Variants in CPPED1 observed in about 807,000 individuals in gnomAD.
CPPED1 encodes serine/threonine-protein phosphatase CPPED1.
Under a neutral mutation model 28.0 loss-of-function variants are expected in CPPED1, and 28 were observed. The observed-to-expected ratio is 1.00, with a 90% CI of 0.74 to 1.37. The LOEUF (loss-of-function observed/expected upper bound fraction) is 1.37. Ranked by LOEUF, CPPED1 falls within the 40% of genes most tolerant of loss-of-function variation. The pLI is 0.00. For synonymous variants in CPPED1, 198 were observed against 180.2 expected (o/e 1.10, Z -0.79); for missense variants, 504 against 416.5 (o/e 1.21, Z -1.83).
chr16:12,710,611 A>G (rs753833958), intron 2 of CPPED1, among the ~76,000 whole-genome samples: 3 of 152,202 alleles, frequency 2.0e-5, no homozygotes, highest in Non-Finnish European at 2.9e-5. Context: ...AATGAATATC[A>G]GAGTATATGG....
intron 1 of CPPED1, among the ~76,000 whole-genome samples, chr16:12,789,291 A>G (rs1471138382): frequency 6.6e-6 from 1 of 152,160 alleles, no homozygotes; most frequent in Non-Finnish European, 1.5e-5. Flanking sequence ...ATCTATGGTA[A>G]TCTTTCCATT....
At chr16:12,683,983 C>T (rs1362990406) in intron 3 of CPPED1, among the ~76,000 whole-genome samples, 2 of 152,068 alleles carry the variant, frequency 1.3e-5, no homozygotes, top group African/African-American at 4.8e-5. Context: ...GCAGGGCTTC[C>T]GGGCACTGGG....
rs193181828 is a variant in CPPED1 at position 12,759,741 on chromosome 16, C to T, written c.289+21444G>A. On this transcript the variant is annotated intron_variant, in intron 2 of 3. Transcript: ENST00000381774. ...GTTTAAAAGTGTTGGGCAGTTGCCCCTTGTGCTCTCTCTCCTGACGCCTTG... is the reference window on the plus strand; with the variant it reads ...GTTTAAAAGTGTTGGGCAGTTGCCCTTTGTGCTCTCTCTCCTGACGCCTTG... Among the ~76,000 whole-genome samples the T allele has an allele frequency of 4.9e-4, 75 of 152,336 alleles. 1 individual carries two copies. The highest frequency in any genetic ancestry group is 5.8e-4 in the East Asian group (3 of 5,184).
chr16:12,773,749 C>T (rs1399498354), intron 2 of CPPED1, among the ~76,000 whole-genome samples: 1 of 152,100 alleles, frequency 6.6e-6, no homozygotes, highest in African/African-American at 2.4e-5. Flanking sequence ...TAAAAATACA[C>T]AAATAAATAA....
rs201646112 is a variant in CPPED1 at position 12,699,898 on chromosome 16, C to A, written c.715+4726G>T. On this transcript the variant is annotated intron_variant, in intron 3 of 3. Coordinates refer to ENST00000381774, the MANE Select transcript of CPPED1 (RefSeq NM_018340.3). ...TGAATTTTACAAAATATCACTTGAA[C>A]TTCTGGCTCTCCAAAATGAGTTCCA... Among the ~76,000 whole-genome samples, 12 of 152,278 alleles carry A rather than the reference C, an allele frequency of 7.9e-5. No homozygotes were observed. In the East Asian group the frequency reaches 2.3e-3, roughly 29 times the overall value.
chr16:12,720,724 C>T (rs899312716), intron 2 of CPPED1, among the ~76,000 whole-genome samples: 2 of 152,306 alleles, frequency 1.3e-5, no homozygotes, highest in East Asian at 1.9e-4. Flanking sequence ...GTGATCTGCC[C>T]GTCTTGGCCT....
chr16:12,798,338 C>CT (rs2141247872), intron 1 of CPPED1, among the ~76,000 whole-genome samples: 1 of 152,264 alleles, frequency 6.6e-6, no homozygotes, highest in Non-Finnish European at 1.5e-5. Flanking sequence ...CTAGTTTGGC[C>CT]TAAATGTATG....
At chr16:12,692,136 G>A (rs147353726) in intron 3 of CPPED1, among the ~76,000 whole-genome samples, 1 of 152,140 alleles carries the variant, frequency 6.6e-6, no homozygotes, top group African/African-American at 2.4e-5. Context: ...TTACAGGCAT[G>A]AGCCACTGTG....
intron 3 of CPPED1, among the ~76,000 whole-genome samples, chr16:12,697,130 A>G (rs2079995444): frequency 1.3e-5 from 2 of 151,974 alleles, no homozygotes; most frequent in South Asian, 4.2e-4. Flanking sequence ...GTTCAAGCCA[A>G]TGTCCTGCCT....
At chr16:12,700,822 C>T (rs1033950386) in intron 3 of CPPED1, among the ~76,000 whole-genome samples, 6 of 152,142 alleles carry the variant, frequency 3.9e-5, no homozygotes, top group East Asian at 1.9e-4. Flanking sequence ...GAGAGTTTAG[C>T]GGGGATTCAG....
At chr16:12,746,209 T>C (rs1343600782) in intron 2 of CPPED1, among the ~76,000 whole-genome samples, 1 of 151,886 alleles carries the variant, frequency 6.6e-6, no homozygotes, top group Non-Finnish European at 1.5e-5. Flanking sequence ...ACCTCGTCTC[T>C]ACTAAAAATA....
At chr16:12,690,031 C>A (rs1272095101) in intron 3 of CPPED1, among the ~76,000 whole-genome samples, 3 of 152,224 alleles carry the variant, frequency 2.0e-5, no homozygotes, top group African/African-American at 7.2e-5. Flanking sequence ...TTTCTCAAGA[C>A]AATGTTTCAA....
At chr16:12,739,902 C>T (rs2080245328) in intron 2 of CPPED1, among the ~76,000 whole-genome samples, 2 of 152,068 alleles carry the variant, frequency 1.3e-5, no homozygotes, top group Non-Finnish European at 2.9e-5. Context: ...CTACAGCAGC[C>T]ATTTTGCAAC....
intron 2 of CPPED1, among the ~76,000 whole-genome samples, chr16:12,748,993 T>A (rs1260844242): frequency 6.6e-6 from 1 of 151,882 alleles, no homozygotes; most frequent in Non-Finnish European, 1.5e-5. Flanking sequence ...GAGCCTTCAG[T>A]GAATCACAAT....
At chr16:12,736,017 G>T (rs941359002) in intron 2 of CPPED1, among the ~76,000 whole-genome samples, 2 of 152,120 alleles carry the variant, frequency 1.3e-5, no homozygotes, top group Non-Finnish European at 2.9e-5. Context: ...CTCCCACCTA[G>T]GAAGCAAGAT....
At chr16:12,772,370 T>C (rs2080474980) in intron 2 of CPPED1, among the ~76,000 whole-genome samples, 1 of 152,218 alleles carries the variant, frequency 6.6e-6, no homozygotes, top group Non-Finnish European at 1.5e-5. Flanking sequence ...CTCCCATTCT[T>C]AGACGCACTC....
chr16:12,729,687 A>G (rs1414481716), intron 2 of CPPED1, among the ~76,000 whole-genome samples: 2 of 152,196 alleles, frequency 1.3e-5, no homozygotes, highest in African/African-American at 4.8e-5. Flanking sequence ...AAGCCATCTT[A>G]AAGTCATAAT....
chr16:12,776,793 C>T (rs1026100951), intron 2 of CPPED1, among the ~76,000 whole-genome samples: 2 of 152,098 alleles, frequency 1.3e-5, no homozygotes, highest in Admixed American at 6.6e-5. Flanking sequence ...GTGGTGTGTG[C>T]CTGTAGTCCC....
chr16:12,702,683 G>T (rs576789347), intron 3 of CPPED1, among the ~76,000 whole-genome samples: 1 of 152,246 alleles, frequency 6.6e-6, no homozygotes, highest in East Asian at 1.9e-4. Flanking sequence ...ACTCAGGGCA[G>T]TCATGGGCTT....
Sources: gnomAD v4.1 joint callset for allele counts (sites outside exome capture counted in the v4.1 genomes callset) on GRCh38, gnomAD v4.1.1 for gene constraint, MANE v1.5 for transcripts, NCBI Gene and HGNC (gene_info 2026-07-23, HGNC 2026-07-21) for gene names.